Variants in DOLPP1 observed in about 807,000 individuals in gnomAD.
The protein encoded by DOLPP1 is dolichyldiphosphatase 1.
In DOLPP1, 15 loss-of-function variants were observed where a neutral mutation model predicts 34.1. The observed-to-expected ratio is 0.44, with a 90% CI of 0.29 to 0.68. The LOEUF (loss-of-function observed/expected upper bound fraction) is 0.68. Ranked by LOEUF, DOLPP1 falls within the 30% of genes least tolerant of loss-of-function variation. DOLPP1 has a pLI of 0.12. For missense variants in DOLPP1, 249 were observed against 307.1 expected (o/e 0.81, Z 1.41); for synonymous variants, 130 against 128.2 (o/e 1.01, Z -0.10).
In DOLPP1 at chr9:129,089,824, AT is replaced by A. The variant is rs1044195060; in HGVS notation, c.*818del. 2.0e-5 allele frequency: 3 copies of A among 152,614 alleles called. No individual in the cohort carries two copies. Among genetic ancestry groups the A allele is most frequent in the Non-Finnish European group, 4.4e-5 (3 of 68,076 alleles). The allele number at this position is 152,614 out of a possible 1,614,324, so 9.5% of individuals were successfully genotyped here. On this transcript the variant is annotated 3_prime_UTR_variant, in exon 8 of 8. Coordinates refer to ENST00000372546, the MANE Select transcript of DOLPP1 (RefSeq NM_020438.5). The surrounding 1 kb of genome is among the most constrained non-coding windows in gnomAD (Gnocchi z 4.9). ...TGCCATCCAGTAGCAGTTAGTCTTC[AT>A]CCCCACGTGAACAAAATGGGAAGGA...
rs866096765 is a variant in DOLPP1 at position 129,090,358 on chromosome 9, C to G, written c.*1351C>G. 1 of 152,568 alleles carries G rather than the reference C, an allele frequency of 6.6e-6. No homozygotes were observed. The highest frequency in any genetic ancestry group is 2.4e-5 in the African/African-American group (1 of 41,424). 9.5% of individuals were successfully genotyped at this position (152,568 alleles called of 1,614,324 possible). A position where few individuals can be genotyped will look rare whatever the true frequency, so the allele number is the denominator to read the frequency against. On this transcript the variant is annotated 3_prime_UTR_variant, in exon 8 of 8. Transcript: ENST00000372546. Reference sequence around the variant, plus strand: ...TTTTTTACTTTTTGCCTGAGACAAGCCGAGTATGAGGTGGTTTGATTTAAG... The same window carrying G: ...TTTTTTACTTTTTGCCTGAGACAAGGCGAGTATGAGGTGGTTTGATTTAAG...
rs745414713 is a variant in DOLPP1, at chr9:129,086,758, G to C, written c.640G>C (p.Val214Leu). Residue 214 changes from valine to leucine, a missense_variant, in exon 7 of 8, where the codon GTA (valine) becomes CTA (leucine). Transcript: ENST00000372546. Reference protein sequence around the residue: ...LIRDTSLIPNVLWFEYTVTRA... With the variant: ...LIRDTSLIPNLLWFEYTVTRA... ...CCGAGACACAAGCCTCATTCCCAACGTACTCTGGTTTGAGTACACGGTAAC... is the reference window on the plus strand; with the variant it reads ...CCGAGACACAAGCCTCATTCCCAACCTACTCTGGTTTGAGTACACGGTAAC... 3 of 1,613,758 alleles carry C rather than the reference G, an allele frequency of 1.9e-6. No homozygotes were observed. Among genetic ancestry groups the C allele is most frequent in the Non-Finnish European group, 1.7e-6 (2 of 1,180,012 alleles).
intron 6 of DOLPP1, 26 bp from the exon 7 acceptor site, chr9:129,086,682 CT>C: frequency 6.2e-7 from 1 of 1,607,060 alleles, no homozygotes; most frequent in Non-Finnish European, 8.5e-7. Flanking sequence ...TGATGTGCCC[CT>C]GGCTCTCTGA....
At chr9:129,083,384 A>T (rs753332329) in intron 1 of DOLPP1, among the ~76,000 whole-genome samples, 3 of 151,816 alleles carry the variant, frequency 2.0e-5, no homozygotes, top group Non-Finnish European at 2.9e-5. Flanking sequence ...AAGAGAAGGG[A>T]CTCACCCACT....
Position 129,085,212 on chromosome 9 carries a change from C to T in DOLPP1, c.268C>T (p.His90Tyr). 1 of 1,614,030 alleles carries T rather than the reference C, an allele frequency of 6.2e-7. No individual in the cohort carries two copies. Among genetic ancestry groups the T allele is most frequent in the Non-Finnish European group, 8.5e-7 (1 of 1,179,988 alleles). Reference protein sequence around the residue: ...IQEPRPCGGPHTAVGTKYGMP... With the variant: ...IQEPRPCGGPYTAVGTKYGMP... ...TGGTCTCCTCTCTCTCCCAGGCCCC[C>T]ACACAGCAGTGGGCACCAAGTACGG... is the stretch of plus-strand genomic sequence containing the variant. The change falls in exon 4 of 8, where the codon CAC (histidine) becomes TAC (tyrosine). Residue 90 changes from histidine to tyrosine, a missense_variant. His to Tyr is a moderately conservative substitution (Grantham distance 83). Coordinates refer to ENST00000372546, the MANE Select transcript of DOLPP1 (RefSeq NM_020438.5). This position sits in a 1 kb window ranked among gnomAD's most constrained non-coding sequence, Gnocchi z 7.0.
chr9:129,087,814 A>G (rs938501505), intron 7 of DOLPP1, among the ~76,000 whole-genome samples: 1 of 151,764 alleles, frequency 6.6e-6, no homozygotes, highest in Non-Finnish European at 1.5e-5. Context: ...AGGAAAGGGG[A>G]TTGGAGGGGG....
At chr9:129,081,363 C>A (rs1025531787) in intron 1 of DOLPP1, among the ~76,000 whole-genome samples, 156 bp downstream of exon 1, 1 of 152,108 alleles carries the variant, frequency 6.6e-6, no homozygotes, top group Non-Finnish European at 1.5e-5. Flanking sequence ...GCGCGCGCGC[C>A]GCGCAGGCGC....
At position 129,085,998 on chromosome 9, in the gene DOLPP1, G is replaced by A. The variant is rs957676625; in HGVS notation, c.462-141G>A. ...CCCACTTGGAAATGGATCTGAGGCT[G>A]TGCCCCGTGGAGTCAGTGTCCTGTC... is the stretch of plus-strand genomic sequence containing the variant. On this transcript the variant is annotated intron_variant, in intron 5 of 7. Coordinates refer to ENST00000372546, the MANE Select transcript of DOLPP1 (RefSeq NM_020438.5). This position sits in a 1 kb window ranked among gnomAD's most constrained non-coding sequence, Gnocchi z 7.0. 2 of 791,674 alleles carry A rather than the reference G, an allele frequency of 2.5e-6. No homozygotes were observed. Among genetic ancestry groups the A allele is most frequent in the South Asian group, 1.7e-5 (1 of 58,778 alleles). The allele number at this position is 791,674 out of a possible 1,614,324, so 49.0% of individuals were successfully genotyped here. A position where few individuals can be genotyped will look rare whatever the true frequency, so the allele number is the denominator to read the frequency against.
intron 7 of DOLPP1, 132 bp from the exon 8 acceptor site, chr9:129,088,839 C>T: frequency 1.2e-6 from 1 of 845,364 alleles, no homozygotes; most frequent in East Asian, 2.6e-5. Context: ...CTGATTGGCC[C>T]AGTTCAGGTC....
rs779447844 is a variant in DOLPP1 at position 129,084,813 on chromosome 9, C to T, written c.177+45C>T. ...ACCCTCCCCACCCCACCCCCAGTGC[C>T]CCCACCCTGCTTTGGGAAGCCCGTC... On this transcript the variant is annotated intron_variant, in intron 2 of 7. Coordinates refer to ENST00000372546, the MANE Select transcript of DOLPP1 (RefSeq NM_020438.5). The T allele has an allele frequency of 4.2e-6, 6 of 1,423,320 alleles. No homozygotes were observed. The South Asian group carries it at 4.6e-5, about 11-fold the overall frequency. 88.2% of individuals were successfully genotyped at this position (1,423,320 alleles called of 1,614,324 possible).
chr9:129,087,740 C>A (rs547841068), intron 7 of DOLPP1, among the ~76,000 whole-genome samples: 4 of 152,022 alleles, frequency 2.6e-5, no homozygotes, highest in Non-Finnish European at 5.9e-5. Flanking sequence ...AGCCAGGAAA[C>A]GTGTTTAGTG....
intron 1 of DOLPP1, 29 bp downstream of exon 1, chr9:129,081,236 C>T (rs747161698): frequency 6.2e-7 from 1 of 1,604,868 alleles, no homozygotes; most frequent in Non-Finnish European, 8.5e-7. Context: ...TCCAAGGACG[C>T]CTTCCCAGGG....
In DOLPP1 at chr9:129,086,198, T is replaced by C. The variant is rs374845426; in HGVS notation, c.521T>C (p.Leu174Pro). 1 of 1,613,516 alleles carries C rather than the reference T, an allele frequency of 6.2e-7. No homozygotes were observed. Among genetic ancestry groups the C allele is most frequent in the Non-Finnish European group, 8.5e-7 (1 of 1,179,984 alleles). Reference sequence around the variant, plus strand: ...CTCTATGGAGGCATCGCTGGAGGCCTCATGGCCATCGCCTGGTTCATCTTC... The same window carrying C: ...CTCTATGGAGGCATCGCTGGAGGCCCCATGGCCATCGCCTGGTTCATCTTC... Reference protein sequence around the residue: ...QVLYGGIAGGLMAIAWFIFTQ... With the variant: ...QVLYGGIAGGPMAIAWFIFTQ... Residue 174 changes from leucine to proline, a missense_variant, in exon 6 of 8, where the codon CTC becomes CCC. Coordinates refer to ENST00000372546, the MANE Select transcript of DOLPP1 (RefSeq NM_020438.5).
Position 129,085,043 on chromosome 9 carries a change from G to A in DOLPP1, c.198G>A (p.Leu66=). 2 of 1,578,826 alleles carry A rather than the reference G, an allele frequency of 1.3e-6. No homozygotes were observed. The highest frequency in any genetic ancestry group is 2.4e-5 in the South Asian group (2 of 84,618). Residue 66 remains leucine (L), a synonymous_variant, in exon 3 of 8, where the codon CTG becomes CTA. Coordinates refer to ENST00000372546, the MANE Select transcript of DOLPP1 (RefSeq NM_020438.5). The surrounding 1 kb of genome is among the most constrained non-coding windows in gnomAD (Gnocchi z 7.0). ...ELHTISFLGG[L]ALNEGVNWLI... Reference sequence around the variant, plus strand: ...AGCAGATCTCCTTCCTTGGGGGCCTGGCACTGAACGAGGGGGTCAACTGGC... The same window carrying A: ...AGCAGATCTCCTTCCTTGGGGGCCTAGCACTGAACGAGGGGGTCAACTGGC...
rs760236761 is a variant in DOLPP1, at chr9:129,086,206, A to G, written c.529A>G (p.Ile177Val). ...YGGIAGGLMA[I>V]AWFIFTQEVL... ...AGGCATCGCTGGAGGCCTCATGGCCATCGCCTGGTTCATCTTCACCCAGGA... is the reference window on the plus strand; with the variant it reads ...AGGCATCGCTGGAGGCCTCATGGCCGTCGCCTGGTTCATCTTCACCCAGGA... The change falls in exon 6 of 8, where the codon ATC becomes GTC. Residue 177 changes from isoleucine (I) to valine (V), a missense_variant. Physicochemically the swap from Ile to Val is conservative, Grantham distance 29. Coordinates refer to ENST00000372546, the MANE Select transcript of DOLPP1 (RefSeq NM_020438.5). 2 of 1,613,652 alleles carry G rather than the reference A, an allele frequency of 1.2e-6. No homozygotes were observed. Among genetic ancestry groups the G allele is most frequent in the Non-Finnish European group, 1.7e-6 (2 of 1,179,992 alleles).
In DOLPP1 at chr9:129,089,052, A is replaced by T; in HGVS notation, c.*45A>T. ...CCAGCCTCCAGATCTGGCCCGCACG[A>T]TGCCTTGCAGGATGGACAGGATGAC... On this transcript the variant is annotated 3_prime_UTR_variant, in exon 8 of 8. Coordinates refer to ENST00000372546, the MANE Select transcript of DOLPP1 (RefSeq NM_020438.5). The surrounding 1 kb of genome is among the most constrained non-coding windows in gnomAD (Gnocchi z 4.9). The T allele has an allele frequency of 6.2e-7, 1 of 1,604,974 alleles. No homozygotes were observed. The highest frequency in any genetic ancestry group is 1.1e-5 in the South Asian group (1 of 90,870).
chr9:129,083,533 C>T (rs866937835), intron 1 of DOLPP1, among the ~76,000 whole-genome samples: 3 of 152,262 alleles, frequency 2.0e-5, no homozygotes, highest in Admixed American at 6.5e-5. Flanking sequence ...TGGATGAGAC[C>T]GGGCATGTGT....
intron 1 of DOLPP1, chr9:129,084,464 T>C: frequency 1.5e-6 from 1 of 660,378 alleles, no homozygotes; most frequent in Non-Finnish European, 2.7e-6. Context: ...GTGTGCACTT[T>C]AGTGCTAAGT....
chr9:129,087,617 A>T (rs1159236043), intron 7 of DOLPP1, among the ~76,000 whole-genome samples: 1 of 151,414 alleles, frequency 6.6e-6, no homozygotes, highest in East Asian at 2.0e-4. Context: ...CGCCCGGCCG[A>T]AGGCCGGCCC....
Sources: allele counts gnomAD v4.1 joint callset (sites outside exome capture counted in the v4.1 genomes callset), GRCh38; gene constraint gnomAD v4.1.1; non-coding constraint Gnocchi (gnomAD v3.1); transcripts MANE v1.5; gene names NCBI Gene and HGNC (gene_info 2026-07-23, HGNC 2026-07-21).